The following SANBR variants were observed in gnomAD, a reference collection of about 807,000 sequenced individuals.
SANBR encodes the protein SANT and BTB domain regulator of class switch recombination.
A neutral mutation model predicts 101.8 loss-of-function variants in SANBR; 77 were observed. That is an observed-to-expected ratio of 0.76 (90% confidence interval 0.63 to 0.91). The LOEUF is 0.91. Among genes scored for constraint, SANBR ranks in the 40% least tolerant of loss-of-function variants. SANBR has a pLI of 0.00. For synonymous variants in SANBR, 279 were observed against 274.7 expected (o/e 1.02, Z -0.15); for missense variants, 875 against 853.0 (o/e 1.03, Z -0.32).
rs961432493 is a variant in SANBR, at chr2:61,092,720, G to T, written c.1212+133G>T. 2.0e-5 allele frequency: 14 copies of T among 702,780 alleles called. No individual in the cohort carries two copies. In the African/African-American group the frequency reaches 2.6e-4, roughly 13 times the overall value. 43.5% of individuals were successfully genotyped at this position (702,780 alleles called of 1,614,324 possible). A position where few individuals can be genotyped will look rare whatever the true frequency, so the allele number is the denominator to read the frequency against. ...CATCTTTTTAAAGAAACTAGTGGCA[G>T]CTGGGCATGGTGGCTCGTGCCTGTA... On this transcript the variant is annotated intron_variant, in intron 11 of 21. Transcript: ENST00000402291.
rs140080702 is a variant in SANBR, at chr2:61,085,190, G to T, written c.890+1876G>T. 7.4e-3 allele frequency among the ~76,000 whole-genome samples: 1,124 copies of T among 152,258 alleles called. 13 individuals carry two copies. The highest frequency in any genetic ancestry group is 0.058 in the Middle Eastern group (17 of 294). On this transcript the variant is annotated intron_variant, in intron 8 of 21. Transcript: ENST00000402291. ...AAGAGTAGATGAGATTTGAAACCAT[G>T]GAACTGGATGAGACCATACTTTTTT...
chr2:61,125,105 G>T (rs565402242), downstream of SANBR, among the ~76,000 whole-genome samples: 1 of 152,294 alleles, frequency 6.6e-6, no homozygotes, highest in East Asian at 1.9e-4. Context: ...ATTTAAAGCT[G>T]ATCTATTGGG....
At chr2:61,072,025 T>C (rs1681500745) in intron 4 of SANBR, among the ~76,000 whole-genome samples, 1 of 151,948 alleles carries the variant, frequency 6.6e-6, no homozygotes, top group South Asian at 2.1e-4. Context: ...GCAACCTCCA[T>C]CTCCCAGGCT....
intron 21 of SANBR, among the ~76,000 whole-genome samples, 199 bp from the exon 22 acceptor site, chr2:61,121,927 A>G (rs1052957772): frequency 2.6e-5 from 4 of 152,218 alleles, no homozygotes; most frequent in Admixed American, 6.5e-5. Context: ...TACAATGTAC[A>G]TAACGTATTA....
rs1191519980 is a variant in SANBR at position 61,088,187 on chromosome 2, CTG to C, written c.921_922del (p.Phe308Ter). Reference protein sequence around the residue: ...SKLFCKKIERLFDPEYLNPDS... With the variant: ...SKLFCKKIERXFDPEYLNPDS... ...ACTTTTTTGTAAGAAGATTGAAAGA[CTG>C]TTTGATCCTGAGTACTTGAATCCAG... On this transcript the variant is annotated frameshift_variant, in exon 9 of 22. Transcript: ENST00000402291. LOFTEE classifies it high-confidence loss of function. 2 of 1,605,458 alleles carry C rather than the reference CTG, an allele frequency of 1.2e-6. No homozygotes were observed. Among genetic ancestry groups the C allele is most frequent in the Non-Finnish European group, 1.7e-6 (2 of 1,177,360 alleles).
chr2:61,104,936 C>G (rs1190557527), intron 13 of SANBR, among the ~76,000 whole-genome samples: 1 of 150,788 alleles, frequency 6.6e-6, no homozygotes, highest in Non-Finnish European at 1.5e-5. Context: ...TCAATCAATG[C>G]ATGATTGATC....
intron 11 of SANBR, among the ~76,000 whole-genome samples, chr2:61,094,937 G>A (rs1028581011): frequency 5.9e-5 from 9 of 152,116 alleles, no homozygotes; most frequent in Non-Finnish European, 8.8e-5. Flanking sequence ...GAGCCACTGC[G>A]CCCGGCCTCT....
intron 21 of SANBR, among the ~76,000 whole-genome samples, chr2:61,135,665 T>TGGTGCTAAAAGTGCA (rs1406229356): frequency 6.6e-6 from 1 of 152,136 alleles, no homozygotes; most frequent in Non-Finnish European, 1.5e-5. Flanking sequence ...TATCATTAGG[T>TGGTGCTAAAAGTGCA]GGTGCTAAAA....
chr2:61,075,705 T>C (rs768369648), intron 5 of SANBR, among the ~76,000 whole-genome samples: 1 of 151,940 alleles, frequency 6.6e-6, no homozygotes, highest in Non-Finnish European at 1.5e-5. Flanking sequence ...ACTACATTTA[T>C]TAATTTATAT....
At chr2:61,114,001 A>T (rs765501480) in intron 16 of SANBR, among the ~76,000 whole-genome samples, 77 of 152,300 alleles carry the variant, frequency 5.1e-4, no homozygotes, top group Middle Eastern at 3.4e-3. Context: ...AAGATCATAT[A>T]GATGTTCTCC....
chr2:61,081,644 C>A, intron 7 of SANBR, 134 bp downstream of exon 7: 1 of 1,018,842 alleles, frequency 9.8e-7, no homozygotes, highest in Non-Finnish European at 1.4e-6. Flanking sequence ...ATTGTTAATT[C>A]AGGAATATAA....
chr2:61,070,045 A>G (rs1479122506), intron 2 of SANBR, among the ~76,000 whole-genome samples: 2 of 152,176 alleles, frequency 1.3e-5, no homozygotes, highest in Admixed American at 6.5e-5. Context: ...TCTGAACCTC[A>G]TCTTGTAAAA....
At chr2:61,077,587 AG>A (rs1212211164) in intron 6 of SANBR, among the ~76,000 whole-genome samples, 2 of 152,032 alleles carry the variant, frequency 1.3e-5, no homozygotes, top group African/African-American at 2.4e-5. Flanking sequence ...ATAGTTAATA[AG>A]AAAAAAAAAA....
rs529777250 is a variant in SANBR, at chr2:61,075,983, CTTTATTTA to C, written c.432-916_432-909del. On this transcript the variant is annotated intron_variant, in intron 5 of 21. Coordinates refer to ENST00000402291, the MANE Select transcript of SANBR (RefSeq NM_001129993.3). The stretch of plus-strand genomic sequence containing the variant: ...TGTGAAATGGTATTATTTTTATAAA[CTTTATTTA>C]TTTATTTATTTATTTATTTAGAGAC... 7.9e-3 allele frequency among the ~76,000 whole-genome samples: 1,188 copies of C among 151,170 alleles called. 14 individuals are homozygous for C. The highest frequency in any genetic ancestry group is 0.027 in the African/African-American group (1,097 of 41,186).
At chr2:61,108,397 A>ATT (rs780929442) in intron 15 of SANBR, 48 bp downstream of exon 15, 1 of 1,290,458 alleles carries the variant, frequency 7.7e-7, no homozygotes, top group South Asian at 1.4e-5. Flanking sequence ...TTCTTCCTAA[A>ATT]TTAAAGTTTA....
In SANBR at chr2:61,083,273, T is replaced by A. The variant is rs1443937241; in HGVS notation, c.849T>A (p.Asn283Lys). 1 of 1,609,272 alleles carries A rather than the reference T, an allele frequency of 6.2e-7. No individual in the cohort carries two copies. The highest frequency in any genetic ancestry group is 1.3e-5 in the African/African-American group (1 of 74,820). ...LTRIADLFSH[N>K]EVDDLKDKKD... ...GTATAGCTGATCTGTTCTCACACAA[T>A]GAAGTTGATGATTTAAAGGACAAAA... The change falls in exon 8 of 22, where the codon AAT becomes AAA. Residue 283 changes from asparagine (N) to lysine (K), a missense_variant. Transcript: ENST00000402291.
rs565049856 is a variant in SANBR at position 61,070,056 on chromosome 2, T to C, written c.-9-286T>C. Reference sequence around the variant, plus strand: ...CAACTCTGAACCTCATCTTGTAAAATTGGGGACTCTGTCTCTAAAGAAAAA... The same window carrying C: ...CAACTCTGAACCTCATCTTGTAAAACTGGGGACTCTGTCTCTAAAGAAAAA... On this transcript the variant is annotated intron_variant, in intron 2 of 21. Coordinates refer to ENST00000402291, the MANE Select transcript of SANBR (RefSeq NM_001129993.3). Among the ~76,000 whole-genome samples the C allele has an allele frequency of 6.6e-5, 10 of 152,320 alleles. 1 individual carries two copies. The South Asian group carries it at 1.7e-3, about 25-fold the overall frequency.
At position 61,121,244 on chromosome 2, in the gene SANBR, T is replaced by A. The variant is rs1004115367; in HGVS notation, c.2088T>A (p.Ser696Arg). The A allele has an allele frequency of 2.6e-6, 4 of 1,551,222 alleles. No homozygotes were observed. Among genetic ancestry groups the A allele is most frequent in the Non-Finnish European group, 1.7e-6 (2 of 1,146,592 alleles). Residue 696 changes from serine to arginine, a missense_variant, in exon 21 of 22, where the codon AGT becomes AGA. Transcript: ENST00000402291. ...AAATCAAGGCCTCAGTGCCAGTTAG[T>A]GCACGCCAAAGCAGCTCAGAGAAAA... ...EAQIKASVPVSARQSSSEKNT... is the reference protein window; with the variant it reads ...EAQIKASVPVRARQSSSEKNT...
intron 8 of SANBR, among the ~76,000 whole-genome samples, chr2:61,087,036 A>C (rs771986600): frequency 6.6e-6 from 1 of 152,216 alleles, no homozygotes; most frequent in Non-Finnish European, 1.5e-5. Context: ...TATTATGCAT[A>C]ATAATTAACG....
Sources: allele counts gnomAD v4.1 joint callset (sites outside exome capture counted in the v4.1 genomes callset), GRCh38; gene constraint gnomAD v4.1.1; transcripts MANE v1.5; gene names NCBI Gene and HGNC (gene_info 2026-07-23, HGNC 2026-07-21).